Variants in STC2 observed in about 807,000 individuals in gnomAD.
STC2 encodes stanniocalcin 2.
In STC2, 7 loss-of-function variants were observed where a neutral mutation model predicts 22.7. The observed-to-expected ratio is 0.31, with a 90% CI of 0.18 to 0.58. The LOEUF (loss-of-function observed/expected upper bound fraction) is 0.58, where lower values mean the gene tolerates loss of function less well. STC2 is among the 20% of genes least tolerant of loss of function. The probability of loss-of-function intolerance (pLI) is 0.89; values close to 1 mark genes in which losing one functional copy is unlikely to be tolerated. For missense variants in STC2, 336 were observed against 406.2 expected, an observed-to-expected ratio of 0.83 and a Z score of 1.48; for synonymous variants, 158 against 163.4, an observed-to-expected ratio of 0.97 and a Z score of 0.25.
intron 2 of STC2, among the ~76,000 whole-genome samples, chr5:173,324,572 T>C (rs558808714): frequency 1.6e-4 from 25 of 152,350 alleles, no homozygotes; most frequent in Non-Finnish European, 3.5e-4. Flanking sequence ...CCCCTCTCTT[T>C]TGACTCTCCA....
At position 173,318,029 on chromosome 5, in the gene STC2, C is replaced by A; in HGVS notation, c.727G>T (p.Gly243Ter). The A allele has an allele frequency of 6.8e-6, 11 of 1,612,582 alleles. No individual in the cohort carries two copies. Among genetic ancestry groups the A allele is most frequent in the Non-Finnish European group, 9.3e-6 (11 of 1,179,516 alleles). ...CTGCTGGGCTCTGGGAGGTGATGTC[C>A]TGCTTCCCCGTGGTGGGCCCTGGAG... is the stretch of plus-strand genomic sequence containing the variant. ...KLSRAHHGEAGHHLPEPSSRE... is the reference protein window; with the variant it reads ...KLSRAHHGEA Residue 243 changes from glycine (G) to a stop codon, truncating the protein, a stop_gained, in exon 4 of 4, where the codon GGA (glycine) becomes TGA (stop). Coordinates refer to ENST00000265087, the MANE Select transcript of STC2 (RefSeq NM_003714.3). LOFTEE classifies it high-confidence loss of function.
chr5:173,323,136 A>G lies in STC2; in HGVS notation c.506+83T>C. ...ATTTGACAGGCATTCAGCCTCTAGA[A>G]GCAACGCGGCTCTCCTCCCATACAC... On this transcript the variant is annotated intron_variant, in intron 3 of 3. Transcript: ENST00000265087. The surrounding 1 kb of genome is among the most constrained non-coding windows in gnomAD (Gnocchi z 5.4). The G allele has an allele frequency of 7.4e-7, 1 of 1,360,500 alleles. No individual in the cohort carries two copies. Among genetic ancestry groups the G allele is most frequent in the Non-Finnish European group, 1.0e-6 (1 of 961,002 alleles). The allele number at this position is 1,360,500 out of a possible 1,614,324, so 84.3% of individuals were successfully genotyped here. A position where few individuals can be genotyped will look rare whatever the true frequency, so the allele number is the denominator to read the frequency against.
intron 3 of STC2, among the ~76,000 whole-genome samples, chr5:173,320,134 G>A (rs1762467182): frequency 6.6e-6 from 1 of 152,234 alleles, no homozygotes; most frequent in Non-Finnish European, 1.5e-5. Flanking sequence ...ACACTGCAGG[G>A]GTGAGGGTCT....
intron 1 of STC2, among the ~76,000 whole-genome samples, chr5:173,327,537 C>A (rs994361090): frequency 6.6e-6 from 1 of 152,254 alleles, no homozygotes; most frequent in South Asian, 2.1e-4. Context: ...GGGGAAAGTT[C>A]GCAATGCCAT....
In STC2 at chr5:173,314,927, C is replaced by A. The variant is rs546538622; in HGVS notation, c.*2920G>T. The A allele has an allele frequency of 1.2e-4, 19 of 152,228 alleles. No individual in the cohort carries two copies. Among genetic ancestry groups the A allele is most frequent in the African/African-American group, 3.4e-4 (14 of 41,530 alleles). The allele number at this position is 152,228 out of a possible 1,614,324, so 9.4% of individuals were successfully genotyped here. ...GTTTTTCCATGCTATTTCCGTGAAG[C>A]CTTTTGCTTGGTTCGAGTTTAAATT... On this transcript the variant is annotated 3_prime_UTR_variant, in exon 4 of 4. Coordinates refer to ENST00000265087, the MANE Select transcript of STC2 (RefSeq NM_003714.3). This position sits in a 1 kb window ranked among gnomAD's most constrained non-coding sequence, Gnocchi z 4.6.
At chr5:173,318,629 G>A (rs1451688490) in intron 3 of STC2, among the ~76,000 whole-genome samples, 2 of 152,168 alleles carry the variant, frequency 1.3e-5, no homozygotes, top group Non-Finnish European at 2.9e-5. Context: ...CAGCTAGAGT[G>A]GAGATGGCTC....
In STC2 at chr5:173,323,205, G is replaced by T; in HGVS notation, c.506+14C>A. ...TGGCCCCTTCACCCAGGCCCTCTGC[G>T]GGGCAGTACTCACTCGTGCAGCAGC... On this transcript the variant is annotated intron_variant, in intron 3 of 3. Transcript: ENST00000265087. The surrounding 1 kb of genome is among the most constrained non-coding windows in gnomAD (Gnocchi z 5.4). 6.2e-7 allele frequency: 1 copy of T among 1,613,836 alleles called. No homozygotes were observed. Among genetic ancestry groups the T allele is most frequent in the South Asian group, 1.1e-5 (1 of 91,040 alleles).
In STC2 at chr5:173,325,209, T is replaced by G. The variant is rs555283021; in HGVS notation, c.294+659A>C. 6.6e-6 allele frequency among the ~76,000 whole-genome samples: 1 copy of G among 152,352 alleles called. No individual in the cohort carries two copies. Among genetic ancestry groups the G allele is most frequent in the South Asian group, 2.1e-4 (1 of 4,830 alleles). ...GCCACATGCCATCTAAAAATGTATT[T>G]GCGTTGTTGGCACTGGAGCCATATG... On this transcript the variant is annotated intron_variant, in intron 2 of 3. Transcript: ENST00000265087. The surrounding 1 kb of genome is among the most constrained non-coding windows in gnomAD (Gnocchi z 4.7).
In STC2 at chr5:173,317,677, G is replaced by T. The variant is rs780725452; in HGVS notation, c.*170C>A. 2.1e-5 allele frequency: 18 copies of T among 845,770 alleles called. No individual in the cohort carries two copies. Among genetic ancestry groups the T allele is most frequent in the Non-Finnish European group, 3.1e-5 (18 of 586,158 alleles). The allele number at this position is 845,770 out of a possible 1,614,324, so 52.4% of individuals were successfully genotyped here. A position where few individuals can be genotyped will look rare whatever the true frequency, so the allele number is the denominator to read the frequency against. On this transcript the variant is annotated 3_prime_UTR_variant, in exon 4 of 4. Transcript: ENST00000265087. ...ACCCCTGAGACCCCACGGCCCCAGG[G>T]GTCTCCATCTCACCTGTCCGTTCCG...
At chr5:173,324,003 A>G (rs1427219319) in intron 2 of STC2, 1 of 156,050 alleles carries the variant, frequency 6.4e-6, no homozygotes, top group African/African-American at 2.4e-5. Context: ...CTCCTACCCT[A>G]CCAGGAAGAG....
At chr5:173,319,818 G>A (rs1040938007) in intron 3 of STC2, among the ~76,000 whole-genome samples, 1 of 152,134 alleles carries the variant, frequency 6.6e-6, no homozygotes, top group Non-Finnish European at 1.5e-5. Flanking sequence ...GCTGTTTAGG[G>A]CCTGCTTGAT....
rs1261036510 is a variant in STC2, at chr5:173,318,210, C to T, written c.546G>A (p.Gly182=). 3.9e-6 allele frequency: 6 copies of T among 1,526,704 alleles called. No homozygotes were observed. The highest frequency in any genetic ancestry group is 2.6e-5 in the South Asian group (2 of 78,126). 94.6% of individuals were successfully genotyped at this position (1,526,704 alleles called of 1,614,324 possible). A position where few individuals can be genotyped will look rare whatever the true frequency, so the allele number is the denominator to read the frequency against. The stretch of plus-strand genomic sequence containing the variant: ...GGGTGATGGCCTCCTTCACCTCCTC[C>T]CCACAGGTCAGCAGCAAGTTCACGA... ...VDLVNLLLTC[G]EEVKEAITHS... is the part of the protein sequence containing the mutation. Residue 182 remains glycine (G), a synonymous_variant, in exon 4 of 4, where the codon GGG becomes GGA. Transcript: ENST00000265087.
At chr5:173,324,618 C>T (rs1762524736) in intron 2 of STC2, among the ~76,000 whole-genome samples, 1 of 152,132 alleles carries the variant, frequency 6.6e-6, no homozygotes, top group South Asian at 2.1e-4. Context: ...AGGGTGTGCC[C>T]GTTTATTAAG....
intron 3 of STC2, among the ~76,000 whole-genome samples, chr5:173,321,156 A>T (rs1225138821): frequency 6.6e-6 from 1 of 151,124 alleles, no homozygotes; most frequent in Non-Finnish European, 1.5e-5. Flanking sequence ...TGAGGAGACC[A>T]TGGCCCCGAG....
intron 3 of STC2, among the ~76,000 whole-genome samples, chr5:173,321,212 CCTT>C (rs1342849027): frequency 7.9e-5 from 12 of 152,090 alleles, no homozygotes; most frequent in Non-Finnish European, 1.6e-4. Flanking sequence ...GAGAGCTTTA[CCTT>C]CTTCTTAAAT....
rs1236476632 is a variant in STC2 at position 173,325,332 on chromosome 5, C to A, written c.294+536G>T. On this transcript the variant is annotated intron_variant, in intron 2 of 3. Transcript: ENST00000265087. The surrounding 1 kb of genome is among the most constrained non-coding windows in gnomAD (Gnocchi z 4.7). ...TGGGTCAGGCCCTGACTATATTTATCATATAGAGCAAAAGGAAAGTGTGGA... is the reference window on the plus strand; with the variant it reads ...TGGGTCAGGCCCTGACTATATTTATAATATAGAGCAAAAGGAAAGTGTGGA... 6.6e-6 allele frequency among the ~76,000 whole-genome samples: 1 copy of A among 152,164 alleles called. No homozygotes were observed. Among genetic ancestry groups the A allele is most frequent in the Non-Finnish European group, 1.5e-5 (1 of 68,040 alleles).
Position 173,328,308 on chromosome 5 carries a change from TCGC to T in STC2, c.-118_-116del. 8.2e-7 allele frequency: 1 copy of T among 1,214,876 alleles called. No individual in the cohort carries two copies. Among genetic ancestry groups the T allele is most frequent in the Non-Finnish European group, 1.1e-6 (1 of 924,978 alleles). The allele number at this position is 1,214,876 out of a possible 1,614,324, so 75.3% of individuals were successfully genotyped here. A position where few individuals can be genotyped will look rare whatever the true frequency, so the allele number is the denominator to read the frequency against. Reference sequence around the variant, plus strand: ...TCCTCCTCCCACTCTTCCTTTTTGCTCGCCTTTTCCCTCCTCCTCGCGGCCGCG... The same window carrying T: ...TCCTCCTCCCACTCTTCCTTTTTGCTCTTTTCCCTCCTCCTCGCGGCCGCG... On this transcript the variant is annotated 5_prime_UTR_variant, in exon 1 of 4. Transcript: ENST00000265087.
Position 173,316,134 on chromosome 5 carries a change from G to C in STC2, c.*1713C>G, listed in dbSNP as rs750524683. 1.3e-5 allele frequency: 2 copies of C among 152,180 alleles called. No individual in the cohort carries two copies. Among genetic ancestry groups the C allele is most frequent in the Non-Finnish European group, 2.9e-5 (2 of 68,034 alleles). The allele number at this position is 152,180 out of a possible 1,614,324, so 9.4% of individuals were successfully genotyped here. ...CATATGCTTTTTGACCCACTCACTAGAACAGAGATCAGTAAACTGTGTCCT... is the reference window on the plus strand; with the variant it reads ...CATATGCTTTTTGACCCACTCACTACAACAGAGATCAGTAAACTGTGTCCT... On this transcript the variant is annotated 3_prime_UTR_variant, in exon 4 of 4. Transcript: ENST00000265087.
chr5:173,328,355 C>G lies in STC2; in HGVS notation c.-162G>C, dbSNP rs1338546514. 2 of 684,280 alleles carry G rather than the reference C, an allele frequency of 2.9e-6. No homozygotes were observed. Among genetic ancestry groups the G allele is most frequent in the Non-Finnish European group, 4.3e-6 (2 of 465,354 alleles). 42.4% of individuals were successfully genotyped at this position (684,280 alleles called of 1,614,324 possible). On this transcript the variant is annotated 5_prime_UTR_variant, in exon 1 of 4. Coordinates refer to ENST00000265087, the MANE Select transcript of STC2 (RefSeq NM_003714.3). ...GGCCGCGGCTCGGATAGAGGTTACC[C>G]AGCGCCCTCCCGTAGCTCTCCGGAG...
Sources: allele counts gnomAD v4.1 joint callset (sites outside exome capture counted in the v4.1 genomes callset), GRCh38; gene constraint gnomAD v4.1.1; non-coding constraint Gnocchi (gnomAD v3.1); transcripts MANE v1.5; gene names NCBI Gene and HGNC (gene_info 2026-07-23, HGNC 2026-07-21).